The following ARHGAP42 variants were observed in gnomAD, a reference collection of about 807,000 sequenced individuals.
ARHGAP42 encodes Rho GTPase activating protein 42, also known as rho GTPase-activating protein 42.
A neutral mutation model predicts 125.0 loss-of-function variants in ARHGAP42; 63 were observed. That is an observed-to-expected ratio of 0.50 (90% confidence interval 0.41 to 0.62). ARHGAP42 has a LOEUF of 0.62. ARHGAP42 is among the 20% of genes least tolerant of loss of function. The pLI is 0.00. For missense variants in ARHGAP42, 766 were observed against 1,024.2 expected (o/e 0.75, Z 3.44); for synonymous variants, 339 against 351.0 (o/e 0.97, Z 0.38).
Position 100,959,712 on chromosome 11 carries a change from C to T in ARHGAP42, c.1163-171C>T, listed in dbSNP as rs978808106. The T allele has an allele frequency of 1.8e-5, 11 of 603,432 alleles. No individual in the cohort carries two copies. The Admixed American group carries it at 3.2e-4, about 17-fold the overall frequency. 37.4% of individuals were successfully genotyped at this position (603,432 alleles called of 1,614,324 possible). ...TACAATAGCTGTGAGGGTGAAGTTC[C>T]CTCCTCTACTTCTACCCCAAAATAA... On this transcript the variant is annotated intron_variant, in intron 12 of 23. Transcript: ENST00000298815.
intron 8 of ARHGAP42, among the ~76,000 whole-genome samples, chr11:100,940,922 G>A (rs1867867162): frequency 6.6e-6 from 1 of 152,048 alleles, no homozygotes; most frequent in Admixed American, 6.6e-5. Context: ...CACAATAAAT[G>A]GCTTAAATTA....
intron 4 of ARHGAP42, among the ~76,000 whole-genome samples, chr11:100,885,268 G>A (rs1052751826): frequency 1.3e-5 from 2 of 152,198 alleles, no homozygotes; most frequent in African/African-American, 2.4e-5. Context: ...GGGCCGCTTC[G>A]ATTGGGTATC....
At chr11:100,731,112 G>A (rs1216747) in intron 1 of ARHGAP42, among the ~76,000 whole-genome samples, 2,205 of 152,046 alleles carry the variant, frequency 0.015, 28 homozygotes, top group Middle Eastern at 0.034. Flanking sequence ...TTAAAATAAG[G>A]AATGATGCTT....
intron 13 of ARHGAP42, among the ~76,000 whole-genome samples, chr11:100,960,344 C>A (rs746738952): frequency 1.3e-5 from 2 of 151,824 alleles, no homozygotes; most frequent in Non-Finnish European, 2.9e-5. Context: ...AGTTTTGGTA[C>A]CTTTCTTCGT....
intron 12 of ARHGAP42, among the ~76,000 whole-genome samples, chr11:100,951,316 A>G (rs981185742): frequency 3.3e-5 from 5 of 152,292 alleles, no homozygotes; most frequent in African/African-American, 9.6e-5. Flanking sequence ...AGTGATTAGT[A>G]TAAAATCCTT....
chr11:100,914,900 T>C (rs999477327), intron 5 of ARHGAP42, among the ~76,000 whole-genome samples: 2 of 152,050 alleles, frequency 1.3e-5, no homozygotes, highest in African/African-American at 2.4e-5. Context: ...CAAAAAGAAA[T>C]AGGAGTGTAA....
At chr11:100,965,579 A>G in intron 16 of ARHGAP42, 92 bp from the exon 17 acceptor site, 2 of 1,008,168 alleles carry the variant, frequency 2.0e-6, no homozygotes, top group Admixed American at 4.0e-5. Context: ...CATGAGGGGT[A>G]GGAGTGGTAA....
chr11:100,831,238 T>C (rs1864656950), intron 3 of ARHGAP42, among the ~76,000 whole-genome samples: 2 of 152,062 alleles, frequency 1.3e-5, no homozygotes, highest in African/African-American at 4.8e-5. Context: ...GAGTGGACCT[T>C]GTAAAGGGTA....
At chr11:100,914,629 C>T (rs1234955570) in intron 5 of ARHGAP42, among the ~76,000 whole-genome samples, 1 of 152,142 alleles carries the variant, frequency 6.6e-6, no homozygotes, top group Admixed American at 6.5e-5. Flanking sequence ...TCACCCGCAG[C>T]TCAACACTGC....
chr11:100,863,025 G>A (rs2407753), intron 4 of ARHGAP42, among the ~76,000 whole-genome samples: 27,280 of 108,924 alleles, frequency 0.25, 3,533 homozygotes, highest in South Asian at 0.5. Flanking sequence ...TAACAAGAGC[G>A]AAACTCCGTC....
intron 3 of ARHGAP42, among the ~76,000 whole-genome samples, chr11:100,797,506 G>A (rs564936010): frequency 3.0e-4 from 45 of 152,074 alleles, no homozygotes; most frequent in African/African-American, 1.0e-3. Context: ...CCCTGTCTGG[G>A]CTCTAGTTAT....
intron 4 of ARHGAP42, among the ~76,000 whole-genome samples, chr11:100,883,485 G>T (rs1866010273): frequency 6.6e-6 from 1 of 152,000 alleles, no homozygotes; most frequent in African/African-American, 2.4e-5. Flanking sequence ...TGGGATTACA[G>T]GTGCCCGCCA....
intron 3 of ARHGAP42, among the ~76,000 whole-genome samples, chr11:100,796,124 T>C (rs11224455): frequency 0.16 from 24,598 of 152,172 alleles, 2,124 homozygotes; most frequent in Middle Eastern, 0.22. Flanking sequence ...ACCATTTTTC[T>C]AACAGCATGT....
At chr11:100,798,257 C>T (rs916083414) in intron 3 of ARHGAP42, among the ~76,000 whole-genome samples, 1 of 152,204 alleles carries the variant, frequency 6.6e-6, no homozygotes. Flanking sequence ...ACAAGATAGA[C>T]TTCAATTTTG....
intron 10 of ARHGAP42, 55 bp from the exon 11 acceptor site, chr11:100,948,402 G>A: frequency 7.9e-7 from 1 of 1,270,448 alleles, no homozygotes; most frequent in Non-Finnish European, 1.1e-6. Context: ...TTAGTTAACT[G>A]AGAATTTAAA....
At chr11:100,914,605 A>T (rs959237665) in intron 5 of ARHGAP42, among the ~76,000 whole-genome samples, 1 of 152,112 alleles carries the variant, frequency 6.6e-6, no homozygotes, top group African/African-American at 2.4e-5. Context: ...ATTAGTAGGG[A>T]GTTGCTGGGT....
At chr11:100,849,430 C>G (rs1865151400) in intron 3 of ARHGAP42, among the ~76,000 whole-genome samples, 1 of 152,186 alleles carries the variant, frequency 6.6e-6, no homozygotes, top group African/African-American at 2.4e-5. Flanking sequence ...GACTAAGAGC[C>G]TGTGCTCAAA....
chr11:100,877,269 A>G (rs1334410686), intron 4 of ARHGAP42, among the ~76,000 whole-genome samples: 3 of 152,250 alleles, frequency 2.0e-5, no homozygotes, highest in Non-Finnish European at 4.4e-5. Flanking sequence ...AGTGACACTT[A>G]AAATATTCCC....
intron 4 of ARHGAP42, among the ~76,000 whole-genome samples, chr11:100,900,663 T>A (rs1381434181): frequency 6.6e-6 from 1 of 152,186 alleles, no homozygotes; most frequent in Non-Finnish European, 1.5e-5. Flanking sequence ...TAATTTGATC[T>A]TCAGTTGCTG....
Sources: allele counts gnomAD v4.1 joint callset (sites outside exome capture counted in the v4.1 genomes callset), GRCh38; gene constraint gnomAD v4.1.1; transcripts MANE v1.5; gene names NCBI Gene and HGNC (gene_info 2026-07-23, HGNC 2026-07-21).